Variants in THAP7 observed in about 807,000 individuals in gnomAD.
THAP7 encodes THAP domain-containing protein 7.
In THAP7, 22 loss-of-function variants were observed where a neutral mutation model predicts 29.2. The ratio of observed to expected loss-of-function variants is 0.75; its 90% CI spans 0.54 to 1.08. The LOEUF is 1.08. THAP7 is among the 50% of genes least tolerant of loss of function. The probability of loss-of-function intolerance (pLI) is 0.00; values close to 1 mark genes in which losing one functional copy is unlikely to be tolerated. For missense variants in THAP7, 448 were observed against 416.2 expected, an observed-to-expected ratio of 1.08 and a Z score of -0.66; for synonymous variants, 208 against 173.4, an observed-to-expected ratio of 1.20 and a Z score of -1.57.
In THAP7 at chr22:21,001,350, G is replaced by C; in HGVS notation, c.142C>G (p.Pro48Ala). The C allele has an allele frequency of 2.5e-6, 4 of 1,613,830 alleles. No individual in the cohort carries two copies. Among genetic ancestry groups the C allele is most frequent in the Non-Finnish European group, 3.4e-6 (4 of 1,180,000 alleles). Reference protein sequence around the residue: ...LWLANCQRLDPSGQGLWDPAS... With the variant: ...LWLANCQRLDASGQGLWDPAS... ...GGGTCCCACAGGCCCTGGCCGCTGG[G>C]GTCCAGCCGCTGGCAGTTGGCCAGC... Residue 48 changes from proline to alanine, a missense_variant, in exon 2 of 4, where the codon CCC becomes GCC. Pro to Ala is a conservative substitution (Grantham distance 27). Coordinates refer to ENST00000215742, the MANE Select transcript of THAP7 (RefSeq NM_030573.3).
At chr22:21,001,784 CA>C in intron 1 of THAP7, 47 bp downstream of exon 1, 1 of 1,524,896 alleles carries the variant, frequency 6.6e-7, no homozygotes, top group East Asian at 2.5e-5. Flanking sequence ...CCGAGGCGAG[CA>C]ACAACTAGCG....
chr22:21,000,207 G>A lies in THAP7; in HGVS notation c.603C>T (p.Pro201=). ...AGACTGGCCGTGGTTCGAGAGGGGA[G>A]GGCTGCCGCTCTGGTGAAGGCTGGG... ...CSAQPSPERQ[P]SPLEPRPVSP... The change falls in exon 4 of 4, where the codon CCC becomes CCT. Residue 201 remains proline (P), a synonymous_variant. Coordinates refer to ENST00000215742, the MANE Select transcript of THAP7 (RefSeq NM_030573.3). 1.9e-6 allele frequency: 3 copies of A among 1,558,796 alleles called. No individual in the cohort carries two copies. In the South Asian group the frequency reaches 3.5e-5, roughly 18 times the overall value.
In THAP7 at chr22:20,999,787, G is replaced by T; in HGVS notation, c.*93C>A. 8 of 1,440,380 alleles carry T rather than the reference G, an allele frequency of 5.6e-6. No homozygotes were observed. The highest frequency in any genetic ancestry group is 7.4e-6 in the Non-Finnish European group (8 of 1,079,832). 89.2% of individuals were successfully genotyped at this position (1,440,380 alleles called of 1,614,324 possible). A position where few individuals can be genotyped will look rare whatever the true frequency, so the allele number is the denominator to read the frequency against. On this transcript the variant is annotated 3_prime_UTR_variant, in exon 4 of 4. Transcript: ENST00000215742. Reference sequence around the variant, plus strand: ...ACAGCAGGCCCTCCGTCTAGAATCCGCTTTATTATGGCACCTGGTGGGTCT... The same window carrying T: ...ACAGCAGGCCCTCCGTCTAGAATCCTCTTTATTATGGCACCTGGTGGGTCT...
At chr22:21,001,707 C>G in intron 1 of THAP7, 125 bp downstream of exon 1, 1 of 1,127,764 alleles carries the variant, frequency 8.9e-7, no homozygotes, top group Non-Finnish European at 1.2e-6. Context: ...TCCGCTTCAC[C>G]TCCCACCCAC....
chr22:21,002,054 C>G lies in THAP7; in HGVS notation c.-143G>C. 4.1e-6 allele frequency: 3 copies of G among 733,692 alleles called. No homozygotes were observed. Among genetic ancestry groups the G allele is most frequent in the Non-Finnish European group, 6.3e-6 (3 of 475,196 alleles). 45.4% of individuals were successfully genotyped at this position (733,692 alleles called of 1,614,324 possible). ...GTTGTCGCCCCAACCCCGTCCCAGC[C>G]GATTCTCTTGACTTCTGTCAGCGGC... On this transcript the variant is annotated 5_prime_UTR_variant, in exon 1 of 4. Transcript: ENST00000215742.
chr22:21,001,770 C>G (rs1925182314), intron 1 of THAP7, 62 bp downstream of exon 1: 2 of 1,495,894 alleles, frequency 1.3e-6, no homozygotes, highest in African/African-American at 1.4e-5. Flanking sequence ...TACGCAGTTG[C>G]GACCCGAGGC....
chr22:21,000,442 G>T lies in THAP7; in HGVS notation c.378-10C>A. The T allele has an allele frequency of 6.5e-7, 1 of 1,547,330 alleles. No individual in the cohort carries two copies. The highest frequency in any genetic ancestry group is 8.7e-7 in the Non-Finnish European group (1 of 1,148,290). The stretch of plus-strand genomic sequence containing the variant: ...TCGGCCCTCGGAGCAGCTGGTAAGG[G>T]GGAAGAGAGAGACTGATGGGCTAGG... On this transcript the variant is annotated splice_polypyrimidine_tract_variant and intron_variant, in intron 3 of 3. Transcript: ENST00000215742.
rs1390843547 is a variant in THAP7, at chr22:20,999,881, C to T, written c.929G>A (p.Ter310=). Residue 310 remains the stop codon, a stop_retained_variant, in exon 4 of 4, where the codon TGA becomes TAA. Transcript: ENST00000215742. ...CCCCTCGGTCAGTCCAGCAGCCCCT[C>T]AGGCCATGCTGCTGCTCAGCTGCAT... is the stretch of plus-strand genomic sequence containing the variant. ...FAMQLSSSMA[*] The T allele has an allele frequency of 2.5e-6, 4 of 1,601,482 alleles. No individual in the cohort carries two copies. The highest frequency in any genetic ancestry group is 1.7e-5 in the Admixed American group (1 of 59,860).
rs1925117948 is a variant in THAP7, at chr22:21,000,746, A to G, written c.278T>C (p.Phe93Ser). ...CCGGCGCAACTTGGAGAAAGACTCA[A>G]ATATGGTGGGGACTGCCCCCTCCTT... The part of the protein sequence containing the change: ...RLKEGAVPTI[F>S]ESFSKLRRTT... Residue 93 changes from phenylalanine (F) to serine (S), a missense_variant, in exon 3 of 4, where the codon TTT (phenylalanine) becomes TCT (serine). Transcript: ENST00000215742. 2.5e-6 allele frequency: 4 copies of G among 1,614,170 alleles called. No individual in the cohort carries two copies. Among genetic ancestry groups the G allele is most frequent in the Admixed American group, 1.7e-5 (1 of 60,022 alleles).
Position 21,000,004 on chromosome 22 carries a change from C to T in THAP7, c.806G>A (p.Arg269Gln), listed in dbSNP as rs773854185. 5.1e-5 allele frequency: 82 copies of T among 1,612,542 alleles called. No individual in the cohort carries two copies. Among genetic ancestry groups the T allele is most frequent in the East Asian group, 1.6e-4 (7 of 44,894 alleles). Residue 269 changes from arginine (R) to glutamine (Q), a missense_variant, in exon 4 of 4, where the codon CGG becomes CAG. Arg to Gln is a conservative substitution (Grantham distance 43). Transcript: ENST00000215742. ...CTGCTGCAGCTTGGTCAGTCTCAAC[C>T]GCAGCCGCTGCTCCCGCCGCTTGCA... ...QACKRREQRL[R>Q]LRLTKLQQER...
intron 2 of THAP7, 158 bp from the exon 3 acceptor site, chr22:21,000,945 G>A (rs769399160): frequency 2.1e-5 from 24 of 1,157,946 alleles, no homozygotes; most frequent in Non-Finnish European, 2.4e-5. Context: ...TTCCCCGCAG[G>A]ACTCCTCACA....
chr22:21,000,610 G>C, intron 3 of THAP7, 37 bp downstream of exon 3: 1 of 1,613,314 alleles, frequency 6.2e-7, no homozygotes. Context: ...CTCAGCCTAG[G>C]GGTGGGAGTG....
chr22:20,999,947 T>C lies in THAP7; in HGVS notation c.863A>G (p.Asp288Gly), dbSNP rs1426759653. The C allele has an allele frequency of 6.2e-7, 1 of 1,612,334 alleles. No individual in the cohort carries two copies. Among genetic ancestry groups the C allele is most frequent in the South Asian group, 1.1e-5 (1 of 91,088 alleles). The change falls in exon 4 of 4, where the codon GAT becomes GGT. Residue 288 changes from aspartate (D) to glycine (G), a missense_variant. Asp to Gly is a moderately conservative substitution (Grantham distance 94). Coordinates refer to ENST00000215742, the MANE Select transcript of THAP7 (RefSeq NM_030573.3). ...ATGCTCCTTCAGAGTCTGGCGGGCA[T>C]CTGCCTGTGCCCGCTTCTCCCGTGC... is the stretch of plus-strand genomic sequence containing the variant. ...ERAREKRAQADARQTLKEHVQ... is the reference protein window; with the variant it reads ...ERAREKRAQAGARQTLKEHVQ...
At position 21,002,092 on chromosome 22, in the gene THAP7, G is replaced by A. The variant is rs924387587; in HGVS notation, c.-181C>T. The stretch of plus-strand genomic sequence containing the variant: ...TTCTGTCAGCGGCACTCACGCTCTG[G>A]CCATTGCTGCGCCGCCGAAGTCTCG... On this transcript the variant is annotated 5_prime_UTR_variant, in exon 1 of 4. Transcript: ENST00000215742. The A allele has an allele frequency of 3.4e-6, 2 of 596,744 alleles. No individual in the cohort carries two copies. Among genetic ancestry groups the A allele is most frequent in the Non-Finnish European group, 5.6e-6 (2 of 355,164 alleles). The allele number at this position is 596,744 out of a possible 1,614,324, so 37.0% of individuals were successfully genotyped here. A position where few individuals can be genotyped will look rare whatever the true frequency, so the allele number is the denominator to read the frequency against.
rs749092358 is a variant in THAP7, at chr22:20,999,986, A to G, written c.824T>C (p.Leu275Pro). Reference protein sequence around the residue: ...EQRLRLRLTKLQQERAREKRA... With the variant: ...EQRLRLRLTKPQQERAREKRA... Reference sequence around the variant, plus strand: ...CTTCTCCCGTGCCCGCTCCTGCTGCAGCTTGGTCAGTCTCAACCGCAGCCG... The same window carrying G: ...CTTCTCCCGTGCCCGCTCCTGCTGCGGCTTGGTCAGTCTCAACCGCAGCCG... The change falls in exon 4 of 4, where the codon CTG becomes CCG. Residue 275 changes from leucine to proline, a missense_variant. By Grantham distance (98) the Leu-to-Pro change is moderately conservative. Coordinates refer to ENST00000215742, the MANE Select transcript of THAP7 (RefSeq NM_030573.3). 6.2e-7 allele frequency: 1 copy of G among 1,612,810 alleles called. No homozygotes were observed. Among genetic ancestry groups the G allele is most frequent in the South Asian group, 1.1e-5 (1 of 91,082 alleles).
At position 21,001,274 on chromosome 22, in the gene THAP7, A is replaced by C. The variant is rs1250783613; in HGVS notation, c.218T>G (p.Phe73Cys). The C allele has an allele frequency of 6.2e-7, 1 of 1,614,068 alleles. No homozygotes were observed. Among genetic ancestry groups the C allele is most frequent in the South Asian group, 1.1e-5 (1 of 91,080 alleles). The stretch of plus-strand genomic sequence containing the variant: ...GGCCCACCTGATTCCCACCAGCTCA[A>C]AGCAGTCCTCCTCAAAGTGTTTGGA... ...FCSKHFEEDCFELVGISGYHR... is the reference protein window; with the variant it reads ...FCSKHFEEDCCELVGISGYHR... The change falls in exon 2 of 4, where the codon TTT (phenylalanine) becomes TGT (cysteine). Residue 73 changes from phenylalanine (F) to cysteine (C), a missense_variant. Transcript: ENST00000215742.
intron 1 of THAP7, 132 bp downstream of exon 1, chr22:21,001,700 G>C: frequency 9.1e-7 from 1 of 1,096,438 alleles, no homozygotes; most frequent in South Asian, 1.7e-5. Flanking sequence ...GGACCGTTCC[G>C]CTTCACCTCC....
At chr22:21,001,150 G>T in intron 2 of THAP7, 106 bp downstream of exon 2, 1 of 1,486,700 alleles carries the variant, frequency 6.7e-7, no homozygotes, top group Non-Finnish European at 9.1e-7. Context: ...ACAGGAAACA[G>T]CCCCCTTGGA....
chr22:21,001,867 C>A lies in THAP7; in HGVS notation c.45G>T (p.Thr15=). 6.4e-7 allele frequency: 1 copy of A among 1,569,896 alleles called. No individual in the cohort carries two copies. Among genetic ancestry groups the A allele is most frequent in the Non-Finnish European group, 8.6e-7 (1 of 1,159,298 alleles). ...CSAAGCCTRD[T]RETRNRGISF... ...AGATGCCGCGGTTGCGCGTCTCGCG[C>A]GTGTCCCGTGTGCAGCAGCCGGCGG... Residue 15 remains threonine, a synonymous_variant, in exon 1 of 4, where the codon ACG becomes ACT. Transcript: ENST00000215742.
Sources: gnomAD v4.1 joint callset for allele counts on GRCh38, gnomAD v4.1.1 for gene constraint, MANE v1.5 for transcripts, NCBI Gene and HGNC (gene_info 2026-07-23, HGNC 2026-07-21) for gene names.